The following GRK3 variants were observed in gnomAD, a reference collection of about 807,000 sequenced individuals.
GRK3 encodes G protein-coupled receptor kinase 3, also known as adrenergic, beta, receptor kinase 2.
In GRK3, 54 loss-of-function variants were observed where a neutral mutation model predicts 95.7. That is an observed-to-expected ratio of 0.56 (90% CI 0.45 to 0.71). GRK3 has a LOEUF of 0.71. GRK3 is among the 30% of genes least tolerant of loss of function. GRK3 has a pLI of 0.00. For synonymous variants in GRK3, 281 were observed against 290.8 expected (o/e 0.97, Z 0.34); for missense variants, 649 against 851.2 (o/e 0.76, Z 2.96).
intron 2 of GRK3, among the ~76,000 whole-genome samples, chr22:25,607,282 G>T (rs1601468876): frequency 6.6e-6 from 1 of 151,662 alleles, no homozygotes; most frequent in Non-Finnish European, 1.5e-5. Context: ...TATCCCAAAC[G>T]TGAAATTTAT....
intron 3 of GRK3, among the ~76,000 whole-genome samples, chr22:25,657,584 T>G (rs1036192445): frequency 1.3e-5 from 2 of 152,160 alleles, no homozygotes; most frequent in Admixed American, 6.5e-5. Flanking sequence ...TAGACAGATA[T>G]AAAAGTGTCT....
chr22:25,603,196 C>T (rs1361602350), intron 1 of GRK3, among the ~76,000 whole-genome samples: 1 of 152,056 alleles, frequency 6.6e-6, no homozygotes, highest in African/African-American at 2.4e-5. Flanking sequence ...GGATTACAGG[C>T]GTGAGGCACC....
At chr22:25,602,284 C>T (rs1364984616) in intron 1 of GRK3, among the ~76,000 whole-genome samples, 1 of 152,174 alleles carries the variant, frequency 6.6e-6, no homozygotes, top group Non-Finnish European at 1.5e-5. Flanking sequence ...CTACTACACA[C>T]CCAACAGAGT....
chr22:25,638,267 C>T (rs2084717671), intron 2 of GRK3, among the ~76,000 whole-genome samples: 1 of 152,176 alleles, frequency 6.6e-6, no homozygotes, highest in African/African-American at 2.4e-5. Flanking sequence ...ACTTAAATAC[C>T]ATCATGTAAA....
chr22:25,583,869 G>A (rs1247976857), intron 1 of GRK3, among the ~76,000 whole-genome samples: 1 of 152,076 alleles, frequency 6.6e-6, no homozygotes, highest in Non-Finnish European at 1.5e-5. Context: ...TGAATGTGCA[G>A]AAATATTGTA....
intron 8 of GRK3, among the ~76,000 whole-genome samples, chr22:25,675,756 G>A (rs969195182): frequency 6.6e-6 from 1 of 152,180 alleles, no homozygotes; most frequent in African/African-American, 2.4e-5. Context: ...TCTCAGACAG[G>A]TCCAATGGAT....
chr22:25,582,761 G>C (rs1400583031), intron 1 of GRK3, among the ~76,000 whole-genome samples: 1 of 152,142 alleles, frequency 6.6e-6, no homozygotes, highest in Non-Finnish European at 1.5e-5. Context: ...ATCAAATAAA[G>C]CCATAATTCC....
intron 8 of GRK3, among the ~76,000 whole-genome samples, chr22:25,675,817 G>A (rs1216730098): frequency 6.6e-6 from 1 of 152,172 alleles, no homozygotes; most frequent in Non-Finnish European, 1.5e-5. Flanking sequence ...GTACCCATTG[G>A]TTGTCTTTCT....
intron 1 of GRK3, among the ~76,000 whole-genome samples, chr22:25,587,946 G>T (rs978389317): frequency 2.0e-5 from 3 of 152,070 alleles, no homozygotes; most frequent in African/African-American, 7.2e-5. Flanking sequence ...ACCCAGTCTC[G>T]GGTATGTCTT....
chr22:25,714,688 C>T (rs926757436), intron 18 of GRK3, 118 bp downstream of exon 18: 26 of 936,428 alleles, frequency 2.8e-5, no homozygotes, highest in Non-Finnish European at 3.9e-5. Flanking sequence ...AAAGCAATGC[C>T]ATAAATCGCT....
chr22:25,605,232 A>C lies in GRK3; in HGVS notation c.190+779A>C, dbSNP rs147024015. ...TGGACGGAGTGGTTTGGAGAAGCAGATGACATTGGTCTGTCTGTGCCTGAG... is the reference window on the plus strand; with the variant it reads ...TGGACGGAGTGGTTTGGAGAAGCAGCTGACATTGGTCTGTCTGTGCCTGAG... On this transcript the variant is annotated intron_variant, in intron 2 of 20. Transcript: ENST00000324198. 7.9e-3 allele frequency among the ~76,000 whole-genome samples: 1,209 copies of C among 152,336 alleles called. 16 individuals are homozygous for C. Among genetic ancestry groups the C allele is most frequent in the African/African-American group, 0.028 (1,156 of 41,568 alleles).
At chr22:25,716,671 G>A (rs2085388134) in intron 18 of GRK3, among the ~76,000 whole-genome samples, 1 of 152,060 alleles carries the variant, frequency 6.6e-6, no homozygotes. Flanking sequence ...TTCTGCATCT[G>A]TGGATTCGAC....
Position 25,672,330 on chromosome 22 carries a change from G to A in GRK3, c.538G>A (p.Val180Ile), listed in dbSNP as rs73167000. The change falls in exon 7 of 21, where the codon GTT (valine) becomes ATT (isoleucine). Residue 180 changes from valine to isoleucine, a missense_variant. By Grantham distance (29) the Val-to-Ile change is conservative. Transcript: ENST00000324198. ...CACTAGATTTTGTCAGTGGAAAAAC[G>A]TTGAATTAAATATCCATGTGAGTAT... ...KFTRFCQWKN[V>I]ELNIHLTMNE... is the part of the protein sequence containing the mutation. 1,940 of 1,483,512 alleles carry A rather than the reference G, an allele frequency of 1.3e-3. No individual in the cohort carries two copies. Among genetic ancestry groups the A allele is most frequent in the South Asian group, 2.1e-3 (176 of 82,636 alleles). The allele number at this position is 1,483,512 out of a possible 1,614,324, so 91.9% of individuals were successfully genotyped here.
rs1364342259 is a variant in GRK3 at position 25,728,974 on chromosome 22, A to G, written c.*6524A>G. 1 of 152,200 alleles carries G rather than the reference A, an allele frequency of 6.6e-6. No homozygotes were observed. Among genetic ancestry groups the G allele is most frequent in the South Asian group, 2.1e-4 (1 of 4,832 alleles). The allele number at this position is 152,200 out of a possible 1,614,324, so 9.4% of individuals were successfully genotyped here. A position where few individuals can be genotyped will look rare whatever the true frequency, so the allele number is the denominator to read the frequency against. ...GAAAGAAATCCGTTTTCTATTGTGC[A>G]TTGCTATACGAAGTGAAGCCAGTAA... On this transcript the variant is annotated 3_prime_UTR_variant, in exon 21 of 21. Coordinates refer to ENST00000324198, the MANE Select transcript of GRK3 (RefSeq NM_005160.4).
At chr22:25,653,751 CAT>C (rs556977071) in intron 3 of GRK3, among the ~76,000 whole-genome samples, 7 of 152,152 alleles carry the variant, frequency 4.6e-5, no homozygotes, top group South Asian at 4.1e-4. Context: ...AATGCAGTGA[CAT>C]GATCTCGGCT....
intron 2 of GRK3, among the ~76,000 whole-genome samples, chr22:25,627,302 A>G (rs2084634875): frequency 6.6e-6 from 1 of 152,208 alleles, no homozygotes. Context: ...TATAACTGAT[A>G]AATATTAAGT....
intron 2 of GRK3, among the ~76,000 whole-genome samples, chr22:25,614,573 G>A (rs962116298): frequency 6.6e-6 from 1 of 152,192 alleles, no homozygotes; most frequent in African/African-American, 2.4e-5. Context: ...ACTTCAGTGA[G>A]TATTTTATGT....
chr22:25,631,587 T>C (rs2084664604), intron 2 of GRK3, among the ~76,000 whole-genome samples: 2 of 152,182 alleles, frequency 1.3e-5, no homozygotes, highest in South Asian at 4.1e-4. Context: ...GAGGTGCAGG[T>C]TTATTGAGGT....
Position 25,695,171 on chromosome 22 carries a change from G to T in GRK3, c.1117G>T (p.Asp373Tyr). ...GGGGACGGCCTATGACAGCAGTGCC[G>T]ACTGGTTCTCCCTGGGCTGCATGCT... ...QKGTAYDSSA[D>Y]WFSLGCMLFK... The change falls in exon 13 of 21, where the codon GAC becomes TAC. Residue 373 changes from aspartate to tyrosine, a missense_variant. Physicochemically the swap from Asp to Tyr is radical, Grantham distance 160. Coordinates refer to ENST00000324198, the MANE Select transcript of GRK3 (RefSeq NM_005160.4). 1 of 1,614,126 alleles carries T rather than the reference G, an allele frequency of 6.2e-7. No individual in the cohort carries two copies. The highest frequency in any genetic ancestry group is 1.1e-5 in the South Asian group (1 of 91,072).
Sources: allele counts gnomAD v4.1 joint callset (sites outside exome capture counted in the v4.1 genomes callset), GRCh38; gene constraint gnomAD v4.1.1; transcripts MANE v1.5; gene names NCBI Gene and HGNC (gene_info 2026-07-23, HGNC 2026-07-21).